The following PLEKHM3 variants were observed in gnomAD, a reference collection of about 807,000 sequenced individuals.
PLEKHM3 encodes pleckstrin homology domain containing M3.
Under a neutral mutation model 81.8 loss-of-function variants are expected in PLEKHM3, and 45 were observed. The observed-to-expected ratio is 0.55, with a 90% CI of 0.43 to 0.71. PLEKHM3 has a LOEUF of 0.71. PLEKHM3 is among the 30% of genes least tolerant of loss of function. The probability of loss-of-function intolerance (pLI) is 0.00; values close to 1 mark genes in which losing one functional copy is unlikely to be tolerated. For missense variants in PLEKHM3, 788 were observed against 924.3 expected, an observed-to-expected ratio of 0.85 and a Z score of 1.91; for synonymous variants, 352 against 356.4, an observed-to-expected ratio of 0.99 and a Z score of 0.14.
intron 1 of PLEKHM3, among the ~76,000 whole-genome samples, chr2:208,009,787 C>A (rs1692626477): frequency 6.6e-6 from 1 of 152,170 alleles, no homozygotes; most frequent in South Asian, 2.1e-4. Context: ...TATTTTCAAG[C>A]CACTGACATC....
chr2:207,896,063 C>T lies in PLEKHM3; in HGVS notation c.1950+12451G>A, dbSNP rs370960610. On this transcript the variant is annotated intron_variant, in intron 6 of 7. Coordinates refer to ENST00000427836, the MANE Select transcript of PLEKHM3 (RefSeq NM_001080475.3). ...GCTGCACCCAGAAGCCTGGATACTTCGTGCAAACTGGCTGGGAGCCCCCAG... is the reference window on the plus strand; with the variant it reads ...GCTGCACCCAGAAGCCTGGATACTTTGTGCAAACTGGCTGGGAGCCCCCAG... 5.9e-5 allele frequency among the ~76,000 whole-genome samples: 9 copies of T among 152,310 alleles called. No individual in the cohort carries two copies. The South Asian group carries it at 8.3e-4, about 14-fold the overall frequency.
chr2:207,896,122 T>G (rs1445081004), intron 6 of PLEKHM3, among the ~76,000 whole-genome samples: 1 of 152,186 alleles, frequency 6.6e-6, no homozygotes, highest in African/African-American at 2.4e-5. Flanking sequence ...TTCCACAATT[T>G]CATCACTTCT....
rs182975088 is a variant in PLEKHM3, at chr2:207,888,643, C to T, written c.1950+19871G>A. 2.6e-3 allele frequency among the ~76,000 whole-genome samples: 394 copies of T among 152,332 alleles called. 2 individuals carry two copies. Among genetic ancestry groups the T allele is most frequent in the African/African-American group, 9.1e-3 (378 of 41,578 alleles). On this transcript the variant is annotated intron_variant, in intron 6 of 7. Transcript: ENST00000427836. ...ACTCCTGACCTCGTGATCTGCCCAC[C>T]TCGGCCTCCCAAAGTGCTGGGATTA...
chr2:208,014,803 C>T (rs1692828338), intron 1 of PLEKHM3, among the ~76,000 whole-genome samples: 1 of 152,184 alleles, frequency 6.6e-6, no homozygotes, highest in Admixed American at 6.5e-5. Context: ...AATTCTGGGG[C>T]TCTGACTGAT....
At chr2:208,012,767 C>T (rs1229606649) in intron 1 of PLEKHM3, among the ~76,000 whole-genome samples, 1 of 152,248 alleles carries the variant, frequency 6.6e-6, no homozygotes, top group Non-Finnish European at 1.5e-5. Flanking sequence ...CCAATGCCTG[C>T]TCCCATCTAC....
intron 6 of PLEKHM3, among the ~76,000 whole-genome samples, chr2:207,882,469 G>A (rs868292860): frequency 8.6e-5 from 13 of 151,960 alleles, no homozygotes; most frequent in East Asian, 5.8e-4. Flanking sequence ...AAAATTAGCC[G>A]GGCATGGTCA....
At chr2:207,943,579 AC>A (rs1335261571) in intron 4 of PLEKHM3, among the ~76,000 whole-genome samples, 4 of 152,202 alleles carry the variant, frequency 2.6e-5, no homozygotes, top group African/African-American at 9.7e-5. Context: ...GAAATGCTGT[AC>A]CATATAGGCC....
chr2:208,008,025 C>G (rs928201649), intron 1 of PLEKHM3, among the ~76,000 whole-genome samples: 2 of 152,008 alleles, frequency 1.3e-5, no homozygotes, highest in Non-Finnish European at 2.9e-5. Flanking sequence ...TGCACTCCAG[C>G]CTGGGCGACA....
chr2:207,909,361 CA>C (rs893588774), intron 5 of PLEKHM3, among the ~76,000 whole-genome samples: 1 of 152,164 alleles, frequency 6.6e-6, no homozygotes, highest in African/African-American at 2.4e-5. Flanking sequence ...AAACCCAAAA[CA>C]AAATCCATGA....
rs866673165 is a variant in PLEKHM3, at chr2:207,861,996, C to T, written c.1951-734G>A. Among the ~76,000 whole-genome samples the T allele has an allele frequency of 1.1e-4, 16 of 152,318 alleles. 1 individual carries two copies. The highest frequency in any genetic ancestry group is 3.9e-4 in the Admixed American group (6 of 15,306). ...CTGCCTGTTTCCACTGAGATATCTG[C>T]TCTCTGCCTGACAGCTGTTCCCATC... On this transcript the variant is annotated intron_variant, in intron 6 of 7. Transcript: ENST00000427836.
intron 7 of PLEKHM3, among the ~76,000 whole-genome samples, chr2:207,855,477 C>T (rs1380477113): frequency 1.3e-5 from 2 of 152,224 alleles, no homozygotes; most frequent in Non-Finnish European, 2.9e-5. Flanking sequence ...TGTATCCATA[C>T]TTGGCTCCCA....
chr2:207,862,776 C>T (rs573555034), intron 6 of PLEKHM3, among the ~76,000 whole-genome samples: 1 of 152,304 alleles, frequency 6.6e-6, no homozygotes, highest in South Asian at 2.1e-4. Flanking sequence ...AAAATGTAAT[C>T]ATGCCTTTTG....
At chr2:207,997,361 A>C (rs1692155798) in intron 2 of PLEKHM3, among the ~76,000 whole-genome samples, 1 of 152,194 alleles carries the variant, frequency 6.6e-6, no homozygotes. Flanking sequence ...AGACCCTTGG[A>C]CTTACTACAG....
intron 6 of PLEKHM3, 62 bp from the exon 7 acceptor site, chr2:207,861,324 A>G (rs2092465888): frequency 6.8e-7 from 1 of 1,468,778 alleles, no homozygotes; most frequent in Non-Finnish European, 9.2e-7. Flanking sequence ...TTGTACACAC[A>G]GGAAAGGAAA....
intron 3 of PLEKHM3, among the ~76,000 whole-genome samples, chr2:207,958,100 TCTTA>T (rs1226603716): frequency 6.6e-6 from 1 of 152,194 alleles, no homozygotes; most frequent in Non-Finnish European, 1.5e-5. Context: ...AATATGCTGA[TCTTA>T]CTTAATCACT....
chr2:207,864,746 T>C (rs1428258126), intron 6 of PLEKHM3, among the ~76,000 whole-genome samples: 18 of 152,246 alleles, frequency 1.2e-4, no homozygotes, highest in African/African-American at 2.4e-5. Context: ...CTGTTAGCAA[T>C]GTATATTTAT....
At chr2:207,991,218 A>T (rs1691891015) in intron 2 of PLEKHM3, among the ~76,000 whole-genome samples, 1 of 152,226 alleles carries the variant, frequency 6.6e-6, no homozygotes, top group Admixed American at 6.5e-5. Context: ...TTGGCTCTAT[A>T]TATCTAATCT....
intron 5 of PLEKHM3, among the ~76,000 whole-genome samples, chr2:207,918,439 A>G (rs1417944743): frequency 6.6e-6 from 1 of 152,060 alleles, no homozygotes. Flanking sequence ...GGAGAATGGC[A>G]TGAACCTGGG....
At position 207,937,105 on chromosome 2, in the gene PLEKHM3, C is replaced by T. The variant is rs1047962587; in HGVS notation, c.1693-5986G>A. On this transcript the variant is annotated intron_variant, in intron 4 of 7. Coordinates refer to ENST00000427836, the MANE Select transcript of PLEKHM3 (RefSeq NM_001080475.3). ...AAAAAGGAGATTATTTATGTATGTA[C>T]GCACGCCCCCTTTTACTTTTTGAAC... Among the ~76,000 whole-genome samples, 107 of 152,192 alleles carry T rather than the reference C, an allele frequency of 7.0e-4. 1 individual carries two copies. Among genetic ancestry groups the T allele is most frequent in the African/African-American group, 2.5e-3 (102 of 41,524 alleles).
Sources: allele counts gnomAD v4.1 joint callset (sites outside exome capture counted in the v4.1 genomes callset), GRCh38; gene constraint gnomAD v4.1.1; transcripts MANE v1.5; gene names NCBI Gene and HGNC (gene_info 2026-07-23, HGNC 2026-07-21).